ZNF782: variants seen among roughly 807,000 people sequenced by gnomAD.
ZNF782 encodes the protein zinc finger protein 782.
Under a neutral mutation model 13.0 loss-of-function variants are expected in ZNF782, and 12 were observed. The ratio of observed to expected loss-of-function variants is 0.92; its 90% confidence interval spans 0.59 to 1.50. ZNF782 has a LOEUF of 1.50. Among genes scored for constraint, ZNF782 ranks in the 40% most tolerant of loss-of-function variants. The pLI is 0.00. For missense variants in ZNF782, 770 were observed against 822.9 expected, an observed-to-expected ratio of 0.94 and a Z score of 0.79; for synonymous variants, 284 against 283.0, an observed-to-expected ratio of 1.00 and a Z score of -0.04.
chr9:96,824,436 A>C (rs1476938274), intron 5 of ZNF782, among the ~76,000 whole-genome samples: 1 of 149,710 alleles, frequency 6.7e-6, no homozygotes, highest in African/African-American at 2.4e-5. Flanking sequence ...TGACAAACCC[A>C]CAGCCAATAT....
At chr9:96,867,742 G>A (rs1451112633) in intron 1 of ZNF782, among the ~76,000 whole-genome samples, 1 of 152,170 alleles carries the variant, frequency 6.6e-6, no homozygotes, top group East Asian at 1.9e-4. Context: ...GCTGCACTAA[G>A]GGAACTCTGA....
chr9:96,839,410 T>C (rs1035471953), intron 4 of ZNF782, among the ~76,000 whole-genome samples: 5 of 151,962 alleles, frequency 3.3e-5, no homozygotes, highest in African/African-American at 1.2e-4. Flanking sequence ...CTTCTCTCAC[T>C]GTTCAAAGTC....
chr9:96,821,685 T>C (rs79111262), intron 5 of ZNF782, among the ~76,000 whole-genome samples: 22 of 149,378 alleles, frequency 1.5e-4, no homozygotes, highest in East Asian at 6.1e-4. Context: ...TTTTTTTTTT[T>C]CTTGAGACAG....
chr9:96,839,277 CTTTTTT>C (rs201411107), intron 4 of ZNF782, among the ~76,000 whole-genome samples: 3 of 100,228 alleles, frequency 3.0e-5, no homozygotes, highest in Non-Finnish European at 4.6e-5. Flanking sequence ...TTACTTGGGA[CTTTTTT>C]TTTTTTTTTT....
At chr9:96,920,197 G>C in the ZNF782 span, among the ~76,000 whole-genome samples, 1 of 149,988 alleles carries the variant, frequency 6.7e-6, no homozygotes, top group African/African-American at 2.4e-5. Context: ...ATTAGAACGA[G>C]GCAGAGTATA....
At chr9:96,856,591 T>C (rs1193714302), upstream of ZNF782, among the ~76,000 whole-genome samples, 1 of 152,254 alleles carries the variant, frequency 6.6e-6, no homozygotes, top group African/African-American at 2.4e-5. Flanking sequence ...CTTTTTACTA[T>C]TAACTCAAGG....
At chr9:96,902,236 C>A in the ZNF782 span, among the ~76,000 whole-genome samples, 1 of 151,034 alleles carries the variant, frequency 6.6e-6, no homozygotes, top group African/African-American at 2.4e-5. Flanking sequence ...GATCCCTGAC[C>A]AACTTGGTGA....
the ZNF782 span, chr9:96,888,065 GT>G: frequency 6.6e-6 from 1 of 151,052 alleles, no homozygotes. Context: ...TATACCTAAT[GT>G]TAAATGACGA....
chr9:96,907,496 T>C, the ZNF782 span, among the ~76,000 whole-genome samples: 1 of 152,290 alleles, frequency 6.6e-6, no homozygotes, highest in Non-Finnish European at 1.5e-5. Flanking sequence ...TTATGTTACA[T>C]GTAGTTTACC....
the ZNF782 span, chr9:96,887,345 G>A: frequency 6.7e-6 from 1 of 149,998 alleles, no homozygotes; most frequent in East Asian, 1.9e-4. Flanking sequence ...AAGGAAGAAA[G>A]AAAGAAAGAT....
At chr9:96,838,106 C>T (rs184258628) in intron 4 of ZNF782, among the ~76,000 whole-genome samples, 18 of 152,246 alleles carry the variant, frequency 1.2e-4, no homozygotes, top group East Asian at 5.8e-4. Flanking sequence ...CTTGTACTTT[C>T]GTTTTCAAAA....
chr9:96,863,198 G>A (rs763482461), intron 1 of ZNF782, among the ~76,000 whole-genome samples: 23 of 152,100 alleles, frequency 1.5e-4, no homozygotes, highest in East Asian at 3.9e-4. Flanking sequence ...AAAAATTAGC[G>A]TCTATCAGAT....
intron 4 of ZNF782, among the ~76,000 whole-genome samples, chr9:96,843,130 A>G (rs923350697): frequency 6.6e-6 from 1 of 152,192 alleles, no homozygotes; most frequent in African/African-American, 2.4e-5. Flanking sequence ...TCTGGGAAAT[A>G]GTTTGGCACT....
the ZNF782 span, among the ~76,000 whole-genome samples, chr9:96,912,483 G>C: frequency 3.3e-5 from 5 of 150,530 alleles, no homozygotes; most frequent in Admixed American, 2.6e-4. Context: ...GACAGAGTGA[G>C]TTTCCATCTC....
chr9:96,925,102 G>A, the ZNF782 span, among the ~76,000 whole-genome samples: 2 of 152,184 alleles, frequency 1.3e-5, no homozygotes, highest in East Asian at 1.9e-4. Flanking sequence ...TTCCGCTCGC[G>A]CTGCGTCGTC....
At chr9:96,873,922 G>C (rs1588178156) in intron 1 of ZNF782, among the ~76,000 whole-genome samples, 1 of 152,304 alleles carries the variant, frequency 6.6e-6, no homozygotes, top group East Asian at 1.9e-4. Context: ...AGTTTTCTTA[G>C]AGTTTGATAT....
chr9:96,886,901 A>G, the ZNF782 span, among the ~76,000 whole-genome samples: 1 of 150,404 alleles, frequency 6.6e-6, no homozygotes, highest in African/African-American at 2.5e-5. Flanking sequence ...CAGCCTGGGC[A>G]ACAAGAGCAA....
upstream of ZNF782, among the ~76,000 whole-genome samples, chr9:96,876,943 C>CAAAAA (rs398011569): frequency 0.033 from 1,426 of 42,798 alleles, 1 homozygote; most frequent in Non-Finnish European, 0.044. Context: ...AACTCCGACT[C>CAAAAA]AAAAAAAAAA....
the ZNF782 span, among the ~76,000 whole-genome samples, chr9:96,883,595 A>G: frequency 6.6e-6 from 1 of 152,346 alleles, no homozygotes; most frequent in East Asian, 1.9e-4. Context: ...AGCCCTAGAC[A>G]CAACCAATAG....
Sources: allele counts gnomAD v4.1 joint callset (sites outside exome capture counted in the v4.1 genomes callset), GRCh38; gene constraint gnomAD v4.1.1; transcripts MANE v1.5; gene names NCBI Gene and HGNC (gene_info 2026-07-23, HGNC 2026-07-21).